Variants in TRAPPC11 observed in about 807,000 individuals in gnomAD.
The protein encoded by TRAPPC11 is trafficking protein particle complex subunit 11.
Under a neutral mutation model 151.2 loss-of-function variants are expected in TRAPPC11, and 104 were observed. The ratio of observed to expected loss-of-function variants is 0.69; its 90% CI spans 0.59 to 0.81. TRAPPC11 has a LOEUF of 0.81. Among genes scored for constraint, TRAPPC11 ranks in the 30% least tolerant of loss-of-function variants. The pLI is 0.00. For missense variants in TRAPPC11, 1,230 were observed against 1,349.6 expected (o/e 0.91, Z 1.39); for synonymous variants, 456 against 472.3 (o/e 0.97, Z 0.45).
intron 28 of TRAPPC11, among the ~76,000 whole-genome samples, chr4:183,707,827 C>T (rs962758649): frequency 6.6e-5 from 10 of 152,068 alleles, no homozygotes; most frequent in Admixed American, 3.3e-4. Context: ...ATTTTTTCCA[C>T]GTGTTGACTT....
chr4:183,691,669 G>A (rs1035406021), intron 19 of TRAPPC11, among the ~76,000 whole-genome samples, 198 bp downstream of exon 19: 1 of 151,936 alleles, frequency 6.6e-6, no homozygotes, highest in Non-Finnish European at 1.5e-5. Context: ...AAAATTTTTT[G>A]CAATTAAAAA....
chr4:183,713,535 G>A lies in TRAPPC11; in HGVS notation c.*891G>A, dbSNP rs1164484251. On this transcript the variant is annotated 3_prime_UTR_variant, in exon 30 of 30. Coordinates refer to ENST00000334690, the MANE Select transcript of TRAPPC11 (RefSeq NM_021942.6). ...TCCTGGAAAATTTTATTATTCAAAA[G>A]GTGGAGGCATTGTAAAAAGGAAATA... 6.6e-6 allele frequency: 1 copy of A among 152,636 alleles called. No homozygotes were observed. The highest frequency in any genetic ancestry group is 1.5e-5 in the Non-Finnish European group (1 of 68,042). 9.5% of individuals were successfully genotyped at this position (152,636 alleles called of 1,614,324 possible).
chr4:183,697,870 G>T (rs371693399), intron 25 of TRAPPC11, 35 bp downstream of exon 25: 9 of 1,590,400 alleles, frequency 5.7e-6, no homozygotes, highest in Non-Finnish European at 7.7e-6. Context: ...AAGACCAGGA[G>T]AATTGTGCGC....
chr4:183,709,006 T>C (rs956157889), intron 29 of TRAPPC11, among the ~76,000 whole-genome samples: 5 of 148,462 alleles, frequency 3.4e-5, no homozygotes, highest in Admixed American at 2.7e-4. Flanking sequence ...TTTTTTTTAA[T>C]TACACAATTT....
Position 183,674,828 on chromosome 4 carries a change from C to T in TRAPPC11, c.660+16C>T, listed in dbSNP as rs1260131766. On this transcript the variant is annotated intron_variant, in intron 6 of 29. Coordinates refer to ENST00000334690, the MANE Select transcript of TRAPPC11 (RefSeq NM_021942.6). Reference sequence around the variant, plus strand: ...AACACACCAGGTGCGTGATTTTTTGCAATAATAGAAGCATTCTGGAGCGGA... The same window carrying T: ...AACACACCAGGTGCGTGATTTTTTGTAATAATAGAAGCATTCTGGAGCGGA... The T allele has an allele frequency of 4.1e-6, 6 of 1,460,394 alleles. No individual in the cohort carries two copies. In the African/African-American group the frequency reaches 8.6e-5, roughly 21 times the overall value. The allele number at this position is 1,460,394 out of a possible 1,614,324, so 90.5% of individuals were successfully genotyped here. A position where few individuals can be genotyped will look rare whatever the true frequency, so the allele number is the denominator to read the frequency against.
At chr4:183,711,342 C>T (rs778832715) in intron 29 of TRAPPC11, among the ~76,000 whole-genome samples, 8 of 152,296 alleles carry the variant, frequency 5.3e-5, no homozygotes, top group East Asian at 1.9e-4. Flanking sequence ...ATGTGACTAG[C>T]GACTGCCATA....
chr4:183,693,366 G>A (rs1736356802), intron 20 of TRAPPC11, among the ~76,000 whole-genome samples: 1 of 152,066 alleles, frequency 6.6e-6, no homozygotes, highest in South Asian at 2.1e-4. Flanking sequence ...CACCATGCCT[G>A]ACTAATTTTT....
At chr4:183,680,084 C>A (rs371510971) in intron 9 of TRAPPC11, 36 bp from the exon 10 acceptor site, 10 of 1,567,108 alleles carry the variant, frequency 6.4e-6, no homozygotes, top group African/African-American at 2.7e-5. Context: ...TTTTTCTTTT[C>A]ATTCCTCTTT....
At chr4:183,694,407 T>A (rs1012388204) in intron 22 of TRAPPC11, among the ~76,000 whole-genome samples, 197 bp from the exon 23 acceptor site, 1 of 152,208 alleles carries the variant, frequency 6.6e-6, no homozygotes, top group African/African-American at 2.4e-5. Context: ...ACCCTTATAC[T>A]GTGGCCACAG....
chr4:183,683,551 A>T (rs1369995449), intron 11 of TRAPPC11, among the ~76,000 whole-genome samples: 1 of 152,054 alleles, frequency 6.6e-6, no homozygotes, highest in African/African-American at 2.4e-5. Flanking sequence ...AGTCCCAGCT[A>T]CTTGGGAGGC....
intron 17 of TRAPPC11, among the ~76,000 whole-genome samples, chr4:183,685,950 C>T (rs1429465263): frequency 6.6e-6 from 1 of 152,228 alleles, no homozygotes; most frequent in African/African-American, 2.4e-5. Flanking sequence ...TCTCCTCCCT[C>T]AGCCTCCTGA....
rs764729250 is a variant in TRAPPC11, at chr4:183,701,777, G to A, written c.2932G>A (p.Ala978Thr). Residue 978 changes from alanine (A) to threonine (T), a missense_variant, in exon 26 of 30, where the codon GCA becomes ACA. By Grantham distance (58) the Ala-to-Thr change is moderately conservative. Transcript: ENST00000334690. ...TCTTGGAAATATTGAAGGTGGAGTA[G>A]CAACCGGGCATTATATTATCTCTTG... ...PSLGNIEGGVATGHYIISWKR... is the reference protein window; with the variant it reads ...PSLGNIEGGVTTGHYIISWKR... 6.2e-7 allele frequency: 1 copy of A among 1,613,560 alleles called. No individual in the cohort carries two copies. Among genetic ancestry groups the A allele is most frequent in the Admixed American group, 1.7e-5 (1 of 60,022 alleles).
chr4:183,670,286 T>C (rs1465757341), intron 5 of TRAPPC11, among the ~76,000 whole-genome samples: 1 of 152,236 alleles, frequency 6.6e-6, no homozygotes, highest in African/African-American at 2.4e-5. Flanking sequence ...TTGGGAGTGA[T>C]TGTGCAAATC....
chr4:183,684,934 A>G lies in TRAPPC11; in HGVS notation c.1567+93A>G, dbSNP rs1735888678. On this transcript the variant is annotated intron_variant, in intron 15 of 29. Coordinates refer to ENST00000334690, the MANE Select transcript of TRAPPC11 (RefSeq NM_021942.6). Reference sequence around the variant, plus strand: ...AATTTAAAGAATAATTTAGTCCCAGATAATTAGTATACTTTACTATGTGCA... The same window carrying G: ...AATTTAAAGAATAATTTAGTCCCAGGTAATTAGTATACTTTACTATGTGCA... 4 of 1,327,856 alleles carry G rather than the reference A, an allele frequency of 3.0e-6. No individual in the cohort carries two copies. The East Asian group carries it at 9.9e-5, about 33-fold the overall frequency. 82.3% of individuals were successfully genotyped at this position (1,327,856 alleles called of 1,614,324 possible). A position where few individuals can be genotyped will look rare whatever the true frequency, so the allele number is the denominator to read the frequency against.
intron 5 of TRAPPC11, among the ~76,000 whole-genome samples, chr4:183,673,681 A>AAATGAAATGAAATGAAAT (rs1297221270): frequency 6.6e-6 from 1 of 152,162 alleles, no homozygotes; most frequent in Non-Finnish European, 1.5e-5. Context: ...CTCAAAAATG[A>AAATGAAATGAAATGAAAT]AATGAAATGA....
intron 2 of TRAPPC11, 49 bp downstream of exon 2, chr4:183,664,120 GTGTGTGTGTGTCTTTTTTGTTCTGT>G: frequency 6.8e-7 from 1 of 1,461,296 alleles, no homozygotes; most frequent in Non-Finnish European, 9.5e-7. Flanking sequence ...CTCTCTATGT[GTGTGTGTGTGTCTTTTTTGTTCTGT>G]TGTGTGTGTG....
chr4:183,666,395 T>A lies in TRAPPC11; in HGVS notation c.343T>A (p.Ser115Thr). 1 of 1,613,992 alleles carries A rather than the reference T, an allele frequency of 6.2e-7. No individual in the cohort carries two copies. The highest frequency in any genetic ancestry group is 8.5e-7 in the Non-Finnish European group (1 of 1,179,874). The change falls in exon 3 of 30, where the codon TCT (serine) becomes ACT (threonine). Residue 115 changes from serine to threonine, a missense_variant. Transcript: ENST00000334690. ...WDEPQWKEKQ[S>T]ECATRVEIVR... ...TGAGCCTCAGTGGAAAGAAAAGCAGTCTGAGTGCGCCACCAGAGTGGAAAT... is the reference window on the plus strand; with the variant it reads ...TGAGCCTCAGTGGAAAGAAAAGCAGACTGAGTGCGCCACCAGAGTGGAAAT...
intron 18 of TRAPPC11, among the ~76,000 whole-genome samples, chr4:183,690,075 T>C (rs1372994067): frequency 6.6e-6 from 1 of 152,058 alleles, no homozygotes; most frequent in Non-Finnish European, 1.5e-5. Context: ...TGGTGGCGGG[T>C]GCCTGTAGTC....
At chr4:183,700,478 G>A (rs543591385) in intron 25 of TRAPPC11, among the ~76,000 whole-genome samples, 79 of 152,178 alleles carry the variant, frequency 5.2e-4, no homozygotes, top group Non-Finnish European at 9.6e-4. Flanking sequence ...TAAAATTGCC[G>A]TTAAATATGT....
Sources: allele counts gnomAD v4.1 joint callset (sites outside exome capture counted in the v4.1 genomes callset), GRCh38; gene constraint gnomAD v4.1.1; transcripts MANE v1.5; gene names NCBI Gene and HGNC (gene_info 2026-07-23, HGNC 2026-07-21).